Variants in ZNF892 observed in about 807,000 individuals in gnomAD.
ZNF892 encodes zinc finger protein 892.
chr2:95,226,326 G>A, the ZNF892 span, among the ~76,000 whole-genome samples: 6 of 152,228 alleles, frequency 3.9e-5, no homozygotes, highest in African/African-American at 1.4e-4. Flanking sequence ...ATAGAAGTTA[G>A]TCTGGTGAGG....
the ZNF892 span, chr2:95,207,739 G>C: frequency 2.5e-6 from 1 of 398,274 alleles, no homozygotes; most frequent in Non-Finnish European, 4.4e-6. Flanking sequence ...CGGCCTCTTG[G>C]GGGACCCGAG....
At chr2:95,208,522 T>C in the ZNF892 span, 1 of 396,948 alleles carries the variant, frequency 2.5e-6, no homozygotes. Context: ...TTAAAAGATA[T>C]TATGCGATTT....
At chr2:95,253,197 C>G in the ZNF892 span, among the ~76,000 whole-genome samples, 37 of 152,246 alleles carry the variant, frequency 2.4e-4, no homozygotes, top group African/African-American at 8.9e-4. Context: ...AGGTTTTCTT[C>G]TAGGGTTTTT....
chr2:95,210,835 A>G, the ZNF892 span, among the ~76,000 whole-genome samples: 26 of 152,304 alleles, frequency 1.7e-4, no homozygotes, highest in African/African-American at 5.8e-4. Context: ...ATGTGTTCTA[A>G]CTAGAGAGTC....
chr2:95,224,552 A>G, the ZNF892 span, among the ~76,000 whole-genome samples: 2 of 152,130 alleles, frequency 1.3e-5, no homozygotes, highest in African/African-American at 4.8e-5. Flanking sequence ...GGTGCCACAC[A>G]CTTTAAAACA....
chr2:95,257,869 T>C, the ZNF892 span, among the ~76,000 whole-genome samples: 1 of 152,170 alleles, frequency 6.6e-6, no homozygotes, highest in Non-Finnish European at 1.5e-5. Context: ...CTCCAAGCCA[T>C]GCACGGGATA....
At chr2:95,243,525 G>T in the ZNF892 span, among the ~76,000 whole-genome samples, 1 of 150,482 alleles carries the variant, frequency 6.6e-6, no homozygotes, top group African/African-American at 2.5e-5. Context: ...TGTGAGGAGC[G>T]TCTCTGCCCG....
chr2:95,251,084 G>T, the ZNF892 span, among the ~76,000 whole-genome samples: 1 of 151,416 alleles, frequency 6.6e-6, no homozygotes, highest in African/African-American at 2.4e-5. Context: ...CTTTAAGCCA[G>T]TTCAGTAGAG....
chr2:95,244,752 A>G, the ZNF892 span, among the ~76,000 whole-genome samples: 2 of 152,206 alleles, frequency 1.3e-5, no homozygotes, highest in African/African-American at 2.4e-5. Context: ...TCTCATTACC[A>G]CGTGGCATAT....
the ZNF892 span, among the ~76,000 whole-genome samples, chr2:95,222,530 T>G: frequency 6.6e-6 from 1 of 152,204 alleles, no homozygotes; most frequent in African/African-American, 2.4e-5. Flanking sequence ...CTAGTAGATG[T>G]GTAGTGGTAT....
At chr2:95,243,540 C>T in the ZNF892 span, among the ~76,000 whole-genome samples, 1 of 151,820 alleles carries the variant, frequency 6.6e-6, no homozygotes, top group Admixed American at 6.6e-5. Flanking sequence ...TGCCCGGCCG[C>T]CCCGTCTGAG....
chr2:95,207,884 A>G, the ZNF892 span: 2 of 398,538 alleles, frequency 5.0e-6, no homozygotes, highest in African/African-American at 2.1e-5. Context: ...AGAGGGAGAA[A>G]GGGAGAAAGG....
the ZNF892 span, among the ~76,000 whole-genome samples, chr2:95,227,384 C>T: frequency 2.0e-5 from 3 of 151,880 alleles, no homozygotes; most frequent in Non-Finnish European, 2.9e-5. Flanking sequence ...AATGCAGTGG[C>T]GCAATCATGG....
At chr2:95,206,819 G>A in the ZNF892 span, among the ~76,000 whole-genome samples, 1 of 152,186 alleles carries the variant, frequency 6.6e-6, no homozygotes, top group Non-Finnish European at 1.5e-5. Flanking sequence ...TGTAAATTAA[G>A]GGGTCAACTG....
At chr2:95,224,900 G>C in the ZNF892 span, among the ~76,000 whole-genome samples, 421 of 152,298 alleles carry the variant, frequency 2.8e-3, 1 homozygote, top group Middle Eastern at 0.01. Context: ...AACAAGTTTG[G>C]CTCCCTCTTG....
the ZNF892 span, among the ~76,000 whole-genome samples, chr2:95,208,381 T>A: frequency 6.6e-6 from 1 of 152,244 alleles, no homozygotes; most frequent in Admixed American, 6.5e-5. Flanking sequence ...TTGAGTATTA[T>A]TTTGACTACT....
chr2:95,214,797 G>T, the ZNF892 span: 2 of 464,642 alleles, frequency 4.3e-6, no homozygotes, highest in Non-Finnish European at 7.9e-6. Flanking sequence ...TAACGAATGT[G>T]GTAAAGCCTT....
the ZNF892 span, chr2:95,259,012 G>C: frequency 6.6e-6 from 1 of 152,244 alleles, no homozygotes; most frequent in Non-Finnish European, 1.5e-5. Context: ...AGCGATTGCA[G>C]AGAATAACTG....
At chr2:95,249,225 ATATATATTTTTT>A in the ZNF892 span, among the ~76,000 whole-genome samples, 1 of 62,336 alleles carries the variant, frequency 1.6e-5, no homozygotes, top group Non-Finnish European at 3.6e-5. Context: ...ATATATATAT[ATATATATTTTTT>A]TTTTTTTTTT....
Sources: allele counts gnomAD v4.1 joint callset (sites outside exome capture counted in the v4.1 genomes callset), GRCh38; gene constraint gnomAD v4.1.1; transcripts MANE v1.5; gene names NCBI Gene and HGNC (gene_info 2026-07-23, HGNC 2026-07-21).